GHR: variants seen among roughly 807,000 people sequenced by gnomAD.
GHR encodes the protein growth hormone receptor, also known as GH receptor.
A neutral mutation model predicts 67.1 loss-of-function variants in GHR; 35 were observed. That is an observed-to-expected ratio of 0.52 (90% confidence interval 0.40 to 0.69). The LOEUF is 0.69. Among genes scored for constraint, GHR ranks in the 30% least tolerant of loss-of-function variants. The pLI is 0.00. For missense variants in GHR, 792 were observed against 764.6 expected (o/e 1.04, Z -0.42); for synonymous variants, 272 against 269.1 (o/e 1.01, Z -0.10).
intron 2 of GHR, among the ~76,000 whole-genome samples, chr5:42,624,362 C>G (rs1753598008): frequency 6.6e-6 from 1 of 152,150 alleles, no homozygotes; most frequent in South Asian, 2.1e-4. Flanking sequence ...GTCAACTTTA[C>G]TGCTGATGTT....
At chr5:42,679,441 A>C (rs1472759115) in intron 3 of GHR, among the ~76,000 whole-genome samples, 1 of 151,716 alleles carries the variant, frequency 6.6e-6, no homozygotes, top group East Asian at 1.9e-4. Flanking sequence ...CCTGGCCAAC[A>C]TGGTGAAACA....
At chr5:42,524,097 T>C (rs1416121471) in intron 1 of GHR, among the ~76,000 whole-genome samples, 2 of 152,146 alleles carry the variant, frequency 1.3e-5, no homozygotes, top group East Asian at 3.9e-4. Flanking sequence ...GAGTGGGGTA[T>C]TGCTGAAAAG....
intron 1 of GHR, among the ~76,000 whole-genome samples, chr5:42,489,322 C>T (rs1018277511): frequency 6.6e-6 from 1 of 152,058 alleles, no homozygotes; most frequent in Non-Finnish European, 1.5e-5. Context: ...TTAGCAATAT[C>T]GTATCCTAAC....
chr5:42,574,931 C>A (rs1750566481), intron 2 of GHR, among the ~76,000 whole-genome samples: 1 of 152,102 alleles, frequency 6.6e-6, no homozygotes, highest in Non-Finnish European at 1.5e-5. Context: ...GAGAGCATGG[C>A]CACCACTGAG....
chr5:42,636,960 CT>C (rs1296016345), intron 3 of GHR, among the ~76,000 whole-genome samples: 2 of 152,096 alleles, frequency 1.3e-5, no homozygotes, highest in African/African-American at 2.4e-5. Context: ...TTTCAAAGGA[CT>C]TTTGAAAATA....
intron 3 of GHR, among the ~76,000 whole-genome samples, chr5:42,653,603 A>C (rs1002963317): frequency 4.6e-5 from 7 of 152,174 alleles, no homozygotes; most frequent in Non-Finnish European, 1.0e-4. Context: ...GTCTGAGCCC[A>C]TAAATAAAGT....
rs1554052072 is a variant in GHR, at chr5:42,443,939, T to TGATATA, written c.-12+20001_-12+20006dup. On this transcript the variant is annotated intron_variant, in intron 1 of 9. Transcript: ENST00000230882. ...TCTGGGCACCATGGCCCAGCCAAGG[T>TGATATA]GATATAGATATAGATATAGATAGAT... is the stretch of plus-strand genomic sequence containing the variant. 3.9e-3 allele frequency among the ~76,000 whole-genome samples: 571 copies of TGATATA among 146,042 alleles called. 5 individuals carry two copies. Among genetic ancestry groups the TGATATA allele is most frequent in the African/African-American group, 0.014 (550 of 38,626 alleles).
chr5:42,426,099 G>C (rs1162825803), intron 1 of GHR, among the ~76,000 whole-genome samples: 1 of 152,190 alleles, frequency 6.6e-6, no homozygotes, highest in Non-Finnish European at 1.5e-5. Context: ...CCTCCTGTAT[G>C]CTATCTCTGG....
At chr5:42,466,581 C>T (rs190800036) in intron 1 of GHR, among the ~76,000 whole-genome samples, 77 of 152,290 alleles carry the variant, frequency 5.1e-4, no homozygotes, top group Non-Finnish European at 8.8e-4. Context: ...CAAAAAAGAC[C>T]TTTCCCCAAA....
At chr5:42,608,263 A>G (rs543858456) in intron 2 of GHR, among the ~76,000 whole-genome samples, 1 of 152,318 alleles carries the variant, frequency 6.6e-6, no homozygotes, top group South Asian at 2.1e-4. Context: ...ACACTAGACC[A>G]CGTTTATATA....
intron 2 of GHR, among the ~76,000 whole-genome samples, chr5:42,614,558 CA>C (rs1753045831): frequency 1.1e-5 from 1 of 90,522 alleles, no homozygotes; most frequent in Admixed American, 1.5e-4. Flanking sequence ...CCATAGAGGA[CA>C]TTTTTTTTTT....
chr5:42,492,511 T>C (rs1579810677), intron 1 of GHR, among the ~76,000 whole-genome samples: 2 of 152,144 alleles, frequency 1.3e-5, no homozygotes, highest in Non-Finnish European at 2.9e-5. Context: ...TAGGCAGAAG[T>C]GGTTGAGGTA....
At chr5:42,658,997 G>T (rs1458716114) in intron 3 of GHR, among the ~76,000 whole-genome samples, 1 of 152,022 alleles carries the variant, frequency 6.6e-6, no homozygotes, top group Non-Finnish European at 1.5e-5. Flanking sequence ...TTAGGCTAAG[G>T]CATTGCAATA....
intron 2 of GHR, among the ~76,000 whole-genome samples, chr5:42,625,568 A>G (rs1175047849): frequency 1.3e-5 from 2 of 152,110 alleles, no homozygotes; most frequent in African/African-American, 4.8e-5. Context: ...GGTTTTATAT[A>G]TTTTAGGGAG....
intron 2 of GHR, among the ~76,000 whole-genome samples, chr5:42,615,741 CA>C (rs57137627): frequency 0.12 from 15,095 of 130,740 alleles, 894 homozygotes; most frequent in African/African-American, 0.17. Flanking sequence ...AAACAAAAAA[CA>C]AAAAAAAAAA....
intron 1 of GHR, among the ~76,000 whole-genome samples, chr5:42,429,300 C>T (rs1742987190): frequency 6.6e-6 from 1 of 152,184 alleles, no homozygotes; most frequent in Admixed American, 6.5e-5. Context: ...ATGGGAAAAA[C>T]TCGCCCTCTT....
chr5:42,633,133 T>C lies in GHR; in HGVS notation c.136+4030T>C, dbSNP rs553463369. On this transcript the variant is annotated intron_variant, in intron 3 of 9. Transcript: ENST00000230882. ...GATTGCACATCTTTCTGAGGGAGAT[T>C]TTTCCCCTATTTTTAAAAGTCATTG... 1.0e-3 allele frequency among the ~76,000 whole-genome samples: 154 copies of C among 152,260 alleles called. 1 individual carries two copies. Among genetic ancestry groups the C allele is most frequent in the African/African-American group, 3.7e-3 (152 of 41,520 alleles).
chr5:42,624,198 G>A lies in GHR; in HGVS notation c.71-4840G>A, dbSNP rs1753589160. 2.0e-5 allele frequency among the ~76,000 whole-genome samples: 3 copies of A among 152,164 alleles called. No homozygotes were observed. The South Asian group carries it at 6.2e-4, about 32-fold the overall frequency. On this transcript the variant is annotated intron_variant, in intron 2 of 9. Transcript: ENST00000230882. The stretch of plus-strand genomic sequence containing the variant: ...CACGATAAAGGCAAAGTCACAAGAT[G>A]TCTGTTTGCAAAAAGAATTAAATGC...
At chr5:42,633,224 C>T (rs561808613) in intron 3 of GHR, among the ~76,000 whole-genome samples, 1 of 152,010 alleles carries the variant, frequency 6.6e-6, no homozygotes, top group East Asian at 1.9e-4. Flanking sequence ...GCATTTTTAC[C>T]TCAAAATGAA....
Sources: gnomAD v4.1 joint callset for allele counts (sites outside exome capture counted in the v4.1 genomes callset) on GRCh38, gnomAD v4.1.1 for gene constraint, MANE v1.5 for transcripts, NCBI Gene and HGNC (gene_info 2026-07-23, HGNC 2026-07-21) for gene names.